Variants in ASIC3 observed in about 807,000 individuals in gnomAD.
The protein encoded by ASIC3 is acid-sensing ion channel 3.
Under a neutral mutation model 58.6 loss-of-function variants are expected in ASIC3, and 46 were observed. The ratio of observed to expected loss-of-function variants is 0.79; its 90% CI spans 0.62 to 1.00. ASIC3 has a LOEUF of 1.00. Ranked by LOEUF, ASIC3 falls within the 50% of genes least tolerant of loss-of-function variation. ASIC3 has a pLI of 0.00. For synonymous variants in ASIC3, 336 were observed against 300.2 expected, an observed-to-expected ratio of 1.12 and a Z score of -1.23; for missense variants, 770 against 735.0, an observed-to-expected ratio of 1.05 and a Z score of -0.55.
Position 151,052,501 on chromosome 7 carries a change from A to C in ASIC3, c.1517+27A>C. Reference sequence around the variant, plus strand: ...TAACACATAATGGCCCCCTAAAATCAAGGGAGGGCAGGGGCAGGCTCAGGA... The same window carrying C: ...TAACACATAATGGCCCCCTAAAATCCAGGGAGGGCAGGGGCAGGCTCAGGA... On this transcript the variant is annotated intron_variant, in intron 10 of 10. Transcript: ENST00000349064. This position sits in a 1 kb window ranked among gnomAD's most constrained non-coding sequence, Gnocchi z 5.0. 6 of 1,613,774 alleles carry C rather than the reference A, an allele frequency of 3.7e-6. No homozygotes were observed. Among genetic ancestry groups the C allele is most frequent in the Non-Finnish European group, 5.1e-6 (6 of 1,179,884 alleles).
At position 151,050,936 on chromosome 7, in the gene ASIC3, G is replaced by A. The variant is rs1033732217; in HGVS notation, c.992G>A (p.Arg331Gln). The A allele has an allele frequency of 2.5e-6, 4 of 1,613,458 alleles. No homozygotes were observed. Among genetic ancestry groups the A allele is most frequent in the Non-Finnish European group, 2.5e-6 (3 of 1,180,024 alleles). The change falls in exon 4 of 11, where the codon CGA becomes CAA. Residue 331 changes from arginine to glutamine, a missense_variant. Coordinates refer to ENST00000349064, the MANE Select transcript of ASIC3 (RefSeq NM_004769.4). ...TRYVARKCGC[R>Q]MVYMPGDVPV... is the part of the protein sequence containing the mutation. ...TACGTGGCTCGGAAGTGCGGCTGCCGAATGGTGTACATGCCAGGTGAGGGG... is the reference window on the plus strand; with the variant it reads ...TACGTGGCTCGGAAGTGCGGCTGCCAAATGGTGTACATGCCAGGTGAGGGG...
At chr7:151,049,551 ACTCCCCACCCCCC>A (rs1796717433) in intron 1 of ASIC3, 132 bp downstream of exon 1, 1 of 1,101,932 alleles carries the variant, frequency 9.1e-7, no homozygotes, top group Admixed American at 2.8e-5. Context: ...CCAGCCATGG[ACTCCCCACCCCCC>A]AGTGCCACTC....
In ASIC3 at chr7:151,051,835, T is replaced by A. The variant is rs754357547; in HGVS notation, c.1240T>A (p.Phe414Ile). The change falls in exon 7 of 11, where the codon TTC becomes ATC. Residue 414 changes from phenylalanine to isoleucine, a missense_variant. Phe to Ile is a conservative substitution (Grantham distance 21). Transcript: ENST00000349064. ...IAENVLALDI[F>I]FEALNYETVE... ...GGAGAACGTGCTGGCCCTGGACATC[T>A]TCTTTGAGGCCCTCAACTATGAGAC... 11 of 1,613,648 alleles carry A rather than the reference T, an allele frequency of 6.8e-6. No homozygotes were observed. Among genetic ancestry groups the A allele is most frequent in the South Asian group, 1.1e-5 (1 of 91,074 alleles).
intron 6 of ASIC3, 106 bp from the exon 7 acceptor site, chr7:151,051,704 C>T (rs1050516019): frequency 2.5e-6 from 3 of 1,207,918 alleles, no homozygotes; most frequent in East Asian, 2.3e-5. Context: ...CGTGCCCGGC[C>T]TCTCCCAGGG....
Position 151,052,173 on chromosome 7 carries a change from G to T in ASIC3, c.1394G>T (p.Arg465Leu). The T allele has an allele frequency of 1.9e-6, 3 of 1,613,992 alleles. No homozygotes were observed. The highest frequency in any genetic ancestry group is 2.5e-6 in the Non-Finnish European group (3 of 1,179,964). Residue 465 changes from arginine to leucine, a missense_variant, in exon 9 of 11, where the codon CGA (arginine) becomes CTA (leucine). Coordinates refer to ENST00000349064, the MANE Select transcript of ASIC3 (RefSeq NM_004769.4). This position sits in a 1 kb window ranked among gnomAD's most constrained non-coding sequence, Gnocchi z 5.0. ...CATCCTGCTTGCCTCCAGGTGTTCC[G>T]AGACAAGGTCCTGGGATATTTCTGG... ...EILDYLCEVF[R>L]DKVLGYFWNR...
Position 151,050,535 on chromosome 7 carries a change from C to A in ASIC3, c.740C>A (p.Pro247Gln), listed in dbSNP as rs757609373. Residue 247 changes from proline (P) to glutamine (Q), a missense_variant, in exon 3 of 11, where the codon CCG becomes CAG. Physicochemically the swap from Pro to Gln is moderately conservative, Grantham distance 76. Coordinates refer to ENST00000349064, the MANE Select transcript of ASIC3 (RefSeq NM_004769.4). ...GTGCAGATCCACAGCCAGGAGGAGC[C>A]GCCCATCATCGATCAGCTGGGCTTG... ...IRVQIHSQEE[P>Q]PIIDQLGLGV... 1 of 1,613,896 alleles carries A rather than the reference C, an allele frequency of 6.2e-7. No individual in the cohort carries two copies. Among genetic ancestry groups the A allele is most frequent in the South Asian group, 1.1e-5 (1 of 91,084 alleles).
intron 1 of ASIC3, among the ~76,000 whole-genome samples, chr7:151,049,781 T>A (rs948982411): frequency 1.3e-5 from 2 of 152,076 alleles, no homozygotes; most frequent in African/African-American, 4.8e-5. Flanking sequence ...GGGCTTGCTT[T>A]CCCTCTGCCT....
In ASIC3 at chr7:151,050,159, A is replaced by G. The variant is rs1340644746; in HGVS notation, c.588A>G (p.Ala196=). ...CYTFNSGADG[A]ELLTTTRGGM... is the part of the protein sequence containing the mutation. Reference sequence around the variant, plus strand: ...CATTTAACTCTGGCGCTGATGGGGCAGAGCTGCTCACCACTACTAGGGGTG... The same window carrying G: ...CATTTAACTCTGGCGCTGATGGGGCGGAGCTGCTCACCACTACTAGGGGTG... The change falls in exon 2 of 11, where the codon GCA becomes GCG. Residue 196 remains alanine (A), a synonymous_variant. Coordinates refer to ENST00000349064, the MANE Select transcript of ASIC3 (RefSeq NM_004769.4). The G allele has an allele frequency of 6.2e-7, 1 of 1,614,204 alleles. No homozygotes were observed. Among genetic ancestry groups the G allele is most frequent in the Admixed American group, 1.7e-5 (1 of 60,026 alleles).
chr7:151,051,126 G>A (rs749455807), intron 5 of ASIC3, 31 bp downstream of exon 5: 1 of 1,600,972 alleles, frequency 6.2e-7, no homozygotes, highest in East Asian at 2.2e-5. Flanking sequence ...CCTCCCGTCC[G>A]CCCCGCTCCG....
At position 151,051,057 on chromosome 7, in the gene ASIC3, GC is replaced by G. The variant is rs776358418; in HGVS notation, c.1033del (p.Gln345SerfsTer11). On this transcript the variant is annotated frameshift_variant, in exon 5 of 11. Coordinates refer to ENST00000349064, the MANE Select transcript of ASIC3 (RefSeq NM_004769.4). LOFTEE classifies it high-confidence loss of function. ...CCCGCAGGCGACGTGCCAGTGTGCA[GC>G]CCCCAGCAGTACAAGAACTGTGCCC... ...VYMPGDVPVC[S>X]PQQYKNCAHP... is the part of the protein sequence containing the mutation. The G allele has an allele frequency of 1.2e-6, 2 of 1,613,222 alleles. No homozygotes were observed. The highest frequency in any genetic ancestry group is 1.7e-4 in the Middle Eastern group (1 of 5,966).
chr7:151,052,289 A>T lies in ASIC3; in HGVS notation c.1458+52A>T. 6.2e-7 allele frequency: 1 copy of T among 1,613,250 alleles called. No homozygotes were observed. The highest frequency in any genetic ancestry group is 8.5e-7 in the Non-Finnish European group (1 of 1,179,768). ...GCCTGCTCCAAGGGTGCTAGGGCCC[A>T]CCCCTGAAGCCTAGACCACCATCCC... On this transcript the variant is annotated intron_variant, in intron 9 of 10. Transcript: ENST00000349064. The surrounding 1 kb of genome is among the most constrained non-coding windows in gnomAD (Gnocchi z 5.0).
In ASIC3 at chr7:151,049,208, A is replaced by G. The variant is rs1796703410; in HGVS notation, c.323A>G (p.His108Arg). ...RRSRLTPNDL[H>R]WAGSALLGLD... ...TCGCGCCTAACGCCCAACGACCTGC[A>G]CTGGGCTGGGTCTGCGCTGCTGGGC... Residue 108 changes from histidine to arginine, a missense_variant, in exon 1 of 11, where the codon CAC (histidine) becomes CGC (arginine). Transcript: ENST00000349064. 2 of 1,613,108 alleles carry G rather than the reference A, an allele frequency of 1.2e-6. No individual in the cohort carries two copies. Among genetic ancestry groups the G allele is most frequent in the Admixed American group, 1.7e-5 (1 of 60,016 alleles).
chr7:151,051,644 A>G (rs557531105), intron 6 of ASIC3, among the ~76,000 whole-genome samples, 166 bp from the exon 7 acceptor site: 1 of 151,268 alleles, frequency 6.6e-6, no homozygotes, highest in East Asian at 2.0e-4. Flanking sequence ...TGGCCTCAAG[A>G]TCCTCCCTCC....
rs1311241049 is a variant in ASIC3 at position 151,050,543 on chromosome 7, A to C, written c.748A>C (p.Ile250Leu). The change falls in exon 3 of 11, where the codon ATC becomes CTC. Residue 250 changes from isoleucine (I) to leucine (L), a missense_variant. Coordinates refer to ENST00000349064, the MANE Select transcript of ASIC3 (RefSeq NM_004769.4). ...CCACAGCCAGGAGGAGCCGCCCATC[A>C]TCGATCAGCTGGGCTTGGGGGTGTC... The part of the protein sequence containing the change: ...QIHSQEEPPI[I>L]DQLGLGVSPG... 1 of 1,613,910 alleles carries C rather than the reference A, an allele frequency of 6.2e-7. No individual in the cohort carries two copies. Among genetic ancestry groups the C allele is most frequent in the Non-Finnish European group, 8.5e-7 (1 of 1,179,972 alleles).
In ASIC3 at chr7:151,050,959, G is replaced by A. The variant is rs373238463; in HGVS notation, c.1009+6G>A. The A allele has an allele frequency of 5.1e-5, 83 of 1,613,344 alleles. No homozygotes were observed. Among genetic ancestry groups the A allele is most frequent in the Non-Finnish European group, 6.4e-5 (75 of 1,180,030 alleles). Reference sequence around the variant, plus strand: ...CCGAATGGTGTACATGCCAGGTGAGGGGCTGGGGTTTTCGTCCCATGGCGG... The same window carrying A: ...CCGAATGGTGTACATGCCAGGTGAGAGGCTGGGGTTTTCGTCCCATGGCGG... On this transcript the variant is annotated splice_donor_region_variant and intron_variant, in intron 4 of 10. Transcript: ENST00000349064.
Position 151,052,364 on chromosome 7 carries a change from G to A in ASIC3, c.1459-52G>A. 1 of 1,613,292 alleles carries A rather than the reference G, an allele frequency of 6.2e-7. No individual in the cohort carries two copies. The highest frequency in any genetic ancestry group is 8.5e-7 in the Non-Finnish European group (1 of 1,179,780). ...GGAGGGTGTGCAGTGACCTCGACTG[G>A]TCCCTGGGAGGAGGACCACTCCCCA... On this transcript the variant is annotated intron_variant, in intron 9 of 10. Coordinates refer to ENST00000349064, the MANE Select transcript of ASIC3 (RefSeq NM_004769.4). The surrounding 1 kb of genome is among the most constrained non-coding windows in gnomAD (Gnocchi z 5.0).
In ASIC3 at chr7:151,050,956, G is replaced by T; in HGVS notation, c.1009+3G>T. ...CTGCCGAATGGTGTACATGCCAGGT[G>T]AGGGGCTGGGGTTTTCGTCCCATGG... is the stretch of plus-strand genomic sequence containing the variant. On this transcript the variant is annotated splice_donor_region_variant and intron_variant, in intron 4 of 10. Coordinates refer to ENST00000349064, the MANE Select transcript of ASIC3 (RefSeq NM_004769.4). 2 of 1,613,438 alleles carry T rather than the reference G, an allele frequency of 1.2e-6. No homozygotes were observed. Among genetic ancestry groups the T allele is most frequent in the Non-Finnish European group, 1.7e-6 (2 of 1,180,014 alleles).
At chr7:151,049,471 C>A in intron 1 of ASIC3, 52 bp downstream of exon 1, 1 of 1,521,928 alleles carries the variant, frequency 6.6e-7, no homozygotes, top group African/African-American at 1.4e-5. Context: ...GCCGACCAGT[C>A]CCTGCCCAGC....
chr7:151,049,204 C>A lies in ASIC3; in HGVS notation c.319C>A (p.Leu107Met). Reference protein sequence around the residue: ...LRRSRLTPNDLHWAGSALLGL... With the variant: ...LRRSRLTPNDMHWAGSALLGL... ...CCGCTCGCGCCTAACGCCCAACGAC[C>A]TGCACTGGGCTGGGTCTGCGCTGCT... Residue 107 changes from leucine to methionine, a missense_variant, in exon 1 of 11, where the codon CTG becomes ATG. Coordinates refer to ENST00000349064, the MANE Select transcript of ASIC3 (RefSeq NM_004769.4). The A allele has an allele frequency of 1.2e-6, 2 of 1,613,076 alleles. No individual in the cohort carries two copies. The highest frequency in any genetic ancestry group is 1.7e-6 in the Non-Finnish European group (2 of 1,179,528).
Sources: allele counts gnomAD v4.1 joint callset (sites outside exome capture counted in the v4.1 genomes callset), GRCh38; gene constraint gnomAD v4.1.1; non-coding constraint Gnocchi (gnomAD v3.1); transcripts MANE v1.5; gene names NCBI Gene and HGNC (gene_info 2026-07-23, HGNC 2026-07-21).